The following THSD7B variants were observed in gnomAD, a reference collection of about 807,000 sequenced individuals.
The protein encoded by THSD7B is thrombospondin type 1 domain containing 7B.
Under a neutral mutation model 213.6 loss-of-function variants are expected in THSD7B, and 138 were observed. That is an observed-to-expected ratio of 0.65 (90% CI 0.56 to 0.74). The LOEUF (loss-of-function observed/expected upper bound fraction) is 0.74. Among genes scored for constraint, THSD7B ranks in the 30% least tolerant of loss-of-function variants. The probability of loss-of-function intolerance (pLI) is 0.00; values close to 1 mark genes in which losing one functional copy is unlikely to be tolerated. For synonymous variants in THSD7B, 742 were observed against 687.0 expected, an observed-to-expected ratio of 1.08 and a Z score of -1.25; for missense variants, 1,931 against 1,991.5, an observed-to-expected ratio of 0.97 and a Z score of 0.58.
intron 2 of THSD7B, among the ~76,000 whole-genome samples, chr2:137,018,902 T>C (rs1454575821): frequency 2.0e-5 from 3 of 152,202 alleles, no homozygotes; most frequent in Admixed American, 2.0e-4. Flanking sequence ...GACTCTTTCC[T>C]CTGCAAATTT....
intron 10 of THSD7B, among the ~76,000 whole-genome samples, chr2:137,271,440 TATA>T (rs1558737577): frequency 3.1e-5 from 4 of 128,750 alleles, no homozygotes; most frequent in Admixed American, 7.7e-5. Flanking sequence ...ATATATATAA[TATA>T]ATATATAATA....
chr2:137,656,461 T>A (rs1208331095), intron 22 of THSD7B, among the ~76,000 whole-genome samples: 1 of 152,196 alleles, frequency 6.6e-6, no homozygotes, highest in Admixed American at 6.5e-5. Flanking sequence ...GTTATTCTGA[T>A]CTTTGAACAC....
intron 7 of THSD7B, among the ~76,000 whole-genome samples, chr2:137,173,674 T>C (rs1680308823): frequency 1.3e-5 from 2 of 152,334 alleles, no homozygotes; most frequent in South Asian, 4.1e-4. Context: ...GCCATGGTCG[T>C]GGTTCTGGGA....
chr2:137,491,226 T>C (rs907372429), intron 15 of THSD7B, among the ~76,000 whole-genome samples: 13 of 152,198 alleles, frequency 8.5e-5, no homozygotes, highest in Non-Finnish European at 1.8e-4. Context: ...CACAGCTGTG[T>C]GTATACAAAA....
chr2:136,802,883 G>C (rs967505400), intron 1 of THSD7B, among the ~76,000 whole-genome samples: 2 of 151,388 alleles, frequency 1.3e-5, no homozygotes, highest in African/African-American at 4.8e-5. Context: ...CCATTATTTA[G>C]ATCTTTATTA....
In THSD7B at chr2:137,036,418, A is replaced by G. The variant is rs542630747; in HGVS notation, c.140-20002A>G. 3.3e-5 allele frequency among the ~76,000 whole-genome samples: 5 copies of G among 152,302 alleles called. No individual in the cohort carries two copies. In the East Asian group the frequency reaches 7.7e-4, roughly 23 times the overall value. ...TTCATTTCTCCTTCTCAGTTACACT[A>G]TCAAATTTATGAGTGACTATATGAG... is the stretch of plus-strand genomic sequence containing the variant. On this transcript the variant is annotated intron_variant, in intron 2 of 27. Transcript: ENST00000409968.
intron 12 of THSD7B, among the ~76,000 whole-genome samples, chr2:137,336,861 A>C (rs901118730): frequency 5.9e-5 from 9 of 152,118 alleles, no homozygotes; most frequent in African/African-American, 2.2e-4. Flanking sequence ...GAATATAATG[A>C]AGCAACTTTG....
intron 12 of THSD7B, among the ~76,000 whole-genome samples, chr2:137,392,083 G>A (rs1686042385): frequency 6.6e-6 from 1 of 152,058 alleles, no homozygotes. Flanking sequence ...CCCCTTTCTA[G>A]TTTTATTCTG....
At chr2:137,027,181 A>G (rs1274835507) in intron 2 of THSD7B, among the ~76,000 whole-genome samples, 2 of 152,282 alleles carry the variant, frequency 1.3e-5, no homozygotes, top group Admixed American at 6.5e-5. Context: ...ACACTTCTAT[A>G]TTTTTAAGTA....
chr2:137,252,004 C>A (rs771703712), intron 10 of THSD7B, among the ~76,000 whole-genome samples: 1 of 152,108 alleles, frequency 6.6e-6, no homozygotes, highest in African/African-American at 2.4e-5. Flanking sequence ...CGCAGTGGCT[C>A]ACGCCTGTAA....
chr2:137,132,931 G>A (rs1310673534), intron 5 of THSD7B, among the ~76,000 whole-genome samples: 2 of 152,084 alleles, frequency 1.3e-5, no homozygotes, highest in Non-Finnish European at 2.9e-5. Context: ...TGTAAAGACA[G>A]CCACACTGTA....
intron 20 of THSD7B, among the ~76,000 whole-genome samples, chr2:137,627,577 T>C (rs960036756): frequency 6.6e-6 from 1 of 152,208 alleles, no homozygotes; most frequent in African/African-American, 2.4e-5. Context: ...TTGATAATTA[T>C]CTTCTTTAGT....
chr2:136,931,172 G>A (rs1684621161), intron 2 of THSD7B, among the ~76,000 whole-genome samples: 1 of 152,114 alleles, frequency 6.6e-6, no homozygotes, highest in Non-Finnish European at 1.5e-5. Context: ...AAAGTAGAAG[G>A]TTGTAAAGGT....
intron 15 of THSD7B, among the ~76,000 whole-genome samples, chr2:137,465,841 T>C (rs1687981920): frequency 1.3e-5 from 2 of 152,130 alleles, no homozygotes; most frequent in East Asian, 3.9e-4. Flanking sequence ...GTAATCTCTT[T>C]TGGAAGATGG....
intron 15 of THSD7B, among the ~76,000 whole-genome samples, chr2:137,538,170 C>T (rs1558831337): frequency 6.6e-6 from 1 of 151,658 alleles, no homozygotes; most frequent in Non-Finnish European, 1.5e-5. Flanking sequence ...TATTTCATTT[C>T]ATTAAGCCCT....
chr2:137,390,488 C>T lies in THSD7B; in HGVS notation c.2501-15125C>T, dbSNP rs185664764. 1.6e-3 allele frequency among the ~76,000 whole-genome samples: 238 copies of T among 152,182 alleles called. 1 individual carries two copies. Among genetic ancestry groups the T allele is most frequent in the Admixed American group, 4.3e-3 (65 of 15,282 alleles). ...AAATCATGTCATCTGCAAAGAGAAA[C>T]AATTTGACATCTTTTTCAATTTGGA... is the stretch of plus-strand genomic sequence containing the variant. On this transcript the variant is annotated intron_variant, in intron 12 of 27. Coordinates refer to ENST00000409968, the MANE Select transcript of THSD7B (RefSeq NM_001316349.2).
intron 5 of THSD7B, among the ~76,000 whole-genome samples, chr2:137,151,670 A>G (rs1294711359): frequency 1.3e-5 from 2 of 152,238 alleles, no homozygotes; most frequent in Non-Finnish European, 2.9e-5. Flanking sequence ...TAGTAAATGT[A>G]CAAACCAGTA....
At chr2:136,891,913 G>A (rs1382819050) in intron 2 of THSD7B, among the ~76,000 whole-genome samples, 1 of 152,160 alleles carries the variant, frequency 6.6e-6, no homozygotes, top group Non-Finnish European at 1.5e-5. Flanking sequence ...GTTCTCTTGT[G>A]CCATTGTAAT....
chr2:137,227,897 G>A (rs1681546537), intron 7 of THSD7B, among the ~76,000 whole-genome samples: 4 of 152,058 alleles, frequency 2.6e-5, no homozygotes, highest in Admixed American at 6.5e-5. Context: ...CATTTTTTAA[G>A]GTTCCCCTAT....
Sources: gnomAD v4.1 joint callset for allele counts (sites outside exome capture counted in the v4.1 genomes callset) on GRCh38, gnomAD v4.1.1 for gene constraint, MANE v1.5 for transcripts, NCBI Gene and HGNC (gene_info 2026-07-23, HGNC 2026-07-21) for gene names.